The following LRCH3 variants were observed in gnomAD, a reference collection of about 807,000 sequenced individuals.
LRCH3 encodes the protein leucine rich repeats and calponin homology domain containing 3, also known as DISP complex protein LRCH3.
Under a neutral mutation model 104.5 loss-of-function variants are expected in LRCH3, and 68 were observed. The observed-to-expected ratio is 0.65, with a 90% CI of 0.54 to 0.80. The LOEUF is 0.80. Ranked by LOEUF, LRCH3 falls within the 30% of genes least tolerant of loss-of-function variation. The pLI, the probability that LRCH3 is intolerant of heterozygous loss-of-function variation, is 0.00. For missense variants in LRCH3, 951 were observed against 953.9 expected (o/e 1.00, Z 0.04); for synonymous variants, 344 against 361.3 (o/e 0.95, Z 0.54).
chr3:197,802,572 C>T (rs898095174), intron 1 of LRCH3, among the ~76,000 whole-genome samples: 2 of 151,860 alleles, frequency 1.3e-5, no homozygotes, highest in Non-Finnish European at 1.5e-5. Context: ...TTTAAGAGTT[C>T]GAGAAGGATT....
chr3:197,843,986 C>A (rs925915958), intron 10 of LRCH3, among the ~76,000 whole-genome samples: 3 of 152,178 alleles, frequency 2.0e-5, no homozygotes, highest in African/African-American at 7.2e-5. Context: ...AAAAATAAAG[C>A]AGGATAAAAG....
intron 20 of LRCH3, chr3:197,881,051 C>G (rs927105788): frequency 1.8e-6 from 2 of 1,129,872 alleles, no homozygotes; most frequent in African/African-American, 3.2e-5. Context: ...ACATGTAGAG[C>G]TTTATTTCCA....
rs771724491 is a variant in LRCH3 at position 197,835,782 on chromosome 3, A to G, written c.1211A>G (p.Gln404Arg). The change falls in exon 9 of 21, where the codon CAG (glutamine) becomes CGG (arginine). Residue 404 changes from glutamine to arginine, a missense_variant. Transcript: ENST00000425562. ...KGPDPDSLSS[Q>R]FMAYIEQRRI... Reference sequence around the variant, plus strand: ...CCAGACCCAGACAGCCTTAGTTCACAGTTTATGGCGTATATTGAACAGCGG... The same window carrying G: ...CCAGACCCAGACAGCCTTAGTTCACGGTTTATGGCGTATATTGAACAGCGG... 7 of 1,614,152 alleles carry G rather than the reference A, an allele frequency of 4.3e-6. No individual in the cohort carries two copies. Among genetic ancestry groups the G allele is most frequent in the South Asian group, 1.1e-5 (1 of 91,076 alleles).
chr3:197,829,574 A>T lies in LRCH3; in HGVS notation c.788A>T (p.Lys263Ile). 6.8e-6 allele frequency: 11 copies of T among 1,608,104 alleles called. No homozygotes were observed. The highest frequency in any genetic ancestry group is 9.3e-6 in the Non-Finnish European group (11 of 1,177,878). ...TGTGACTTTATTTAGATATGTATAA[A>T]AGGCAAAGTCCACATATTTAAATAC... ...LQSPPAQICIKGKVHIFKYLN... is the reference protein window; with the variant it reads ...LQSPPAQICIIGKVHIFKYLN... Residue 263 changes from lysine (K) to isoleucine (I), a missense_variant, in exon 6 of 21, where the codon AAA becomes ATA. Lys to Ile is a moderately radical substitution (Grantham distance 102). Coordinates refer to ENST00000425562, the MANE Select transcript of LRCH3 (RefSeq NM_001365715.1).
intron 13 of LRCH3, among the ~76,000 whole-genome samples, chr3:197,853,704 GT>G (rs891076863): frequency 2.6e-5 from 4 of 152,100 alleles, no homozygotes; most frequent in African/African-American, 9.7e-5. Flanking sequence ...CATTAGAAAG[GT>G]TTTTAAAAAG....
At chr3:197,863,344 C>A (rs1029174197) in intron 15 of LRCH3, among the ~76,000 whole-genome samples, 1 of 152,152 alleles carries the variant, frequency 6.6e-6, no homozygotes. Flanking sequence ...CTCACTGCAA[C>A]CTCCGCCTCC....
At chr3:197,822,824 T>C (rs1183373805) in intron 4 of LRCH3, 4 of 148,892 alleles carry the variant, frequency 2.7e-5, no homozygotes, top group African/African-American at 4.9e-5. Flanking sequence ...TTTTTTTTTT[T>C]CTTGAGACGG....
chr3:197,849,353 T>C (rs1308718542), intron 12 of LRCH3, among the ~76,000 whole-genome samples: 1 of 151,074 alleles, frequency 6.6e-6, no homozygotes, highest in Non-Finnish European at 1.5e-5. Flanking sequence ...CAAGCAGAAG[T>C]TCACAAAGGT....
chr3:197,806,388 A>T (rs77248358), intron 1 of LRCH3, among the ~76,000 whole-genome samples: 3,911 of 152,138 alleles, frequency 0.026, 76 homozygotes, highest in East Asian at 0.053. Flanking sequence ...CAGCCTCTCA[A>T]AGTGCTAGGA....
At chr3:197,875,495 T>G (rs1343600813) in intron 19 of LRCH3, among the ~76,000 whole-genome samples, 1 of 152,012 alleles carries the variant, frequency 6.6e-6, no homozygotes, top group Non-Finnish European at 1.5e-5. Flanking sequence ...GAACCCTGTC[T>G]CTACAAAAAT....
chr3:197,805,037 G>A (rs1732316336), intron 1 of LRCH3, among the ~76,000 whole-genome samples: 1 of 152,064 alleles, frequency 6.6e-6, no homozygotes, highest in South Asian at 2.1e-4. Context: ...TGAGATTACA[G>A]GTGCGTGCCA....
At chr3:197,843,080 G>A (rs1487547362) in intron 10 of LRCH3, among the ~76,000 whole-genome samples, 1 of 73,452 alleles carries the variant, frequency 1.4e-5, no homozygotes, top group Non-Finnish European at 2.4e-5. Context: ...GCAAGACTCT[G>A]TCTTAAAAAA....
Position 197,813,526 on chromosome 3 carries a change from T to C in LRCH3, c.263-1382T>C, listed in dbSNP as rs1336461150. Among the ~76,000 whole-genome samples, 951 of 112,640 alleles carry C rather than the reference T, an allele frequency of 8.4e-3. 27 individuals carry two copies. Among genetic ancestry groups the C allele is most frequent in the Middle Eastern group, 0.035 (9 of 258 alleles). 73.9% of individuals were successfully genotyped at this position (112,640 alleles called of 152,430 possible). ...AGGCATATAATTTTTTTTTTTTTTT[T>C]TTTTTTTTTTTTTTTTTTTTTTGAG... On this transcript the variant is annotated intron_variant, in intron 1 of 20. Coordinates refer to ENST00000425562, the MANE Select transcript of LRCH3 (RefSeq NM_001365715.1).
intron 16 of LRCH3, among the ~76,000 whole-genome samples, chr3:197,865,814 A>G (rs1741417030): frequency 1.3e-5 from 2 of 149,594 alleles, no homozygotes; most frequent in African/African-American, 4.9e-5. Context: ...TTGCTCAGCT[A>G]GTCAGCCATT....
At chr3:197,860,092 G>A (rs552358483) in intron 15 of LRCH3, among the ~76,000 whole-genome samples, 1 of 152,158 alleles carries the variant, frequency 6.6e-6, no homozygotes, top group African/African-American at 2.4e-5. Context: ...GTCCTGCTCT[G>A]TCTCCCAGGC....
At chr3:197,852,527 A>T (rs9681804) in intron 12 of LRCH3, 34 bp from the exon 13 acceptor site, 1 of 1,610,088 alleles carries the variant, frequency 6.2e-7, no homozygotes, top group Non-Finnish European at 8.5e-7. Context: ...GCTCTAACCA[A>T]CTTCCTTTTT....
At chr3:197,879,573 G>A (rs901498501) in intron 20 of LRCH3, among the ~76,000 whole-genome samples, 2 of 151,948 alleles carry the variant, frequency 1.3e-5, no homozygotes, top group Non-Finnish European at 2.9e-5. Flanking sequence ...GGGAACCCGG[G>A]AGGCGGAGCT....
In LRCH3 at chr3:197,839,380, A is replaced by T. The variant is rs1341888837; in HGVS notation, c.1311A>T (p.Arg437Ser). ...REFQKTEDMR[R>S]YLHQNRVPAE... ...TTCAAAAAACAGAAGATATGAGAAGATATTTACATCAAAACAGGTTTGAAA... is the reference window on the plus strand; with the variant it reads ...TTCAAAAAACAGAAGATATGAGAAGTTATTTACATCAAAACAGGTTTGAAA... Residue 437 changes from arginine to serine, a missense_variant, in exon 10 of 21, where the codon AGA (arginine) becomes AGT (serine). Transcript: ENST00000425562. The T allele has an allele frequency of 1.9e-6, 3 of 1,591,040 alleles. No homozygotes were observed. Among genetic ancestry groups the T allele is most frequent in the Non-Finnish European group, 2.6e-6 (3 of 1,171,466 alleles).
rs1233845852 is a variant in LRCH3 at position 197,792,606 on chromosome 3, A to AT, written c.262+1066_262+1067insT. Among the ~76,000 whole-genome samples, 86 of 37,984 alleles carry AT rather than the reference A, an allele frequency of 2.3e-3. 5 individuals are homozygous for AT. Among genetic ancestry groups the AT allele is most frequent in the Middle Eastern group, 0.021 (2 of 96 alleles). The allele number at this position is 37,984 out of a possible 152,430, so 24.9% of individuals were successfully genotyped here. Reference sequence around the variant, plus strand: ...ATATATATATATATATATATATATAAAATATACATATATATATAATATACA... The same window carrying AT: ...ATATATATATATATATATATATATAATAATATACATATATATATAATATACA... On this transcript the variant is annotated intron_variant, in intron 1 of 20. Coordinates refer to ENST00000425562, the MANE Select transcript of LRCH3 (RefSeq NM_001365715.1).
Sources: gnomAD v4.1 joint callset for allele counts (sites outside exome capture counted in the v4.1 genomes callset) on GRCh38, gnomAD v4.1.1 for gene constraint, MANE v1.5 for transcripts, NCBI Gene and HGNC (gene_info 2026-07-23, HGNC 2026-07-21) for gene names.